The following RAD18 variants were observed in gnomAD, a reference collection of about 807,000 sequenced individuals.
RAD18 encodes RAD18 E3 ubiquitin protein ligase.
RAD18 carries 47 observed loss-of-function variants against 60.4 expected under a neutral mutation model. The ratio of observed to expected loss-of-function variants is 0.78; its 90% CI spans 0.62 to 0.99. RAD18 has a LOEUF of 0.99. RAD18 is among the 50% of genes least tolerant of loss of function. RAD18 has a pLI of 0.00. For missense variants in RAD18, 640 were observed against 593.3 expected (o/e 1.08, Z -0.82); for synonymous variants, 225 against 195.5 (o/e 1.15, Z -1.26).
chr3:8,945,942 TAA>T (rs1391748385), intron 4 of RAD18, among the ~76,000 whole-genome samples: 2 of 152,224 alleles, frequency 1.3e-5, no homozygotes, highest in Non-Finnish European at 2.9e-5. Flanking sequence ...TAAAAAAATA[TAA>T]AAGTTTACAA....
At chr3:8,898,836 A>G (rs1312191098) in intron 11 of RAD18, 58 bp downstream of exon 11, 2 of 1,377,344 alleles carry the variant, frequency 1.5e-6, no homozygotes, top group East Asian at 2.4e-5. Context: ...CTGCCTATCT[A>G]TCTACATGTG....
At chr3:8,913,591 G>T (rs1157359231) in intron 8 of RAD18, 53 bp downstream of exon 8, 3 of 1,241,434 alleles carry the variant, frequency 2.4e-6, no homozygotes, top group Non-Finnish European at 3.3e-6. Flanking sequence ...TTTTTGTAGG[G>T]TATTAAACTT....
At chr3:8,953,378 C>T (rs893880447) in intron 2 of RAD18, among the ~76,000 whole-genome samples, 23 of 151,934 alleles carry the variant, frequency 1.5e-4, no homozygotes, top group African/African-American at 4.8e-4. Flanking sequence ...TATCTTTCCT[C>T]TTCTTTTCTT....
At chr3:8,948,271 G>T (rs1940869598) in intron 3 of RAD18, among the ~76,000 whole-genome samples, 1 of 152,156 alleles carries the variant, frequency 6.6e-6, no homozygotes. Context: ...TGGGTCATAA[G>T]AATTAAAGAG....
chr3:8,922,657 G>A (rs1044346405), intron 7 of RAD18, among the ~76,000 whole-genome samples: 5 of 152,170 alleles, frequency 3.3e-5, no homozygotes, highest in South Asian at 2.1e-4. Flanking sequence ...CTAACTGGGA[G>A]GCACCTCCCA....
intron 7 of RAD18, among the ~76,000 whole-genome samples, chr3:8,926,567 T>C (rs978879212): frequency 2.0e-5 from 3 of 152,198 alleles, no homozygotes; most frequent in African/African-American, 7.2e-5. Flanking sequence ...ACTTTAAAGT[T>C]CATATGGAAT....
chr3:8,914,926 C>T (rs553686157), intron 7 of RAD18, among the ~76,000 whole-genome samples: 39 of 152,206 alleles, frequency 2.6e-4, no homozygotes, highest in African/African-American at 8.4e-4. Flanking sequence ...ATCACGAGGT[C>T]AGGAGATCGA....
chr3:8,928,892 A>G (rs1264022489), intron 7 of RAD18, among the ~76,000 whole-genome samples: 1 of 152,184 alleles, frequency 6.6e-6, no homozygotes, highest in East Asian at 1.9e-4. Flanking sequence ...GAAATGATAC[A>G]GAACAGGTTC....
chr3:8,900,845 C>T (rs1939897862), intron 10 of RAD18, among the ~76,000 whole-genome samples: 1 of 152,154 alleles, frequency 6.6e-6, no homozygotes, highest in Non-Finnish European at 1.5e-5. Flanking sequence ...CTAAAAGCAG[C>T]AATCACCTCT....
At chr3:8,918,087 G>C (rs1196605857) in intron 7 of RAD18, among the ~76,000 whole-genome samples, 1 of 152,142 alleles carries the variant, frequency 6.6e-6, no homozygotes, top group African/African-American at 2.4e-5. Flanking sequence ...GGAGGCCGAG[G>C]CGAGTGGATC....
chr3:8,923,432 G>A (rs1413571262), intron 7 of RAD18, among the ~76,000 whole-genome samples: 1 of 152,242 alleles, frequency 6.6e-6, no homozygotes, highest in Non-Finnish European at 1.5e-5. Context: ...CCAAATCTAC[G>A]TCTCACTGGT....
At position 8,941,593 on chromosome 3, in the gene RAD18, G is replaced by A. The variant is rs1940748556; in HGVS notation, c.478C>T (p.Gln160Ter). The change falls in exon 5 of 13, where the codon CAA becomes TAA. Residue 160 changes from glutamine (Q) to a stop codon, truncating the protein, a stop_gained. Coordinates refer to ENST00000264926, the MANE Select transcript of RAD18 (RefSeq NM_020165.4). LOFTEE classifies it high-confidence loss of function. Reference protein sequence around the residue: ...IKENKSKFSPQKEASPAAKTK... With the variant: ...IKENKSKFSP ...TTTGCAGCAGGGCTCGCCTCTTTTT[G>A]AGGGCTGAATTTGCTTTTATTTTCT... The A allele has an allele frequency of 1.2e-5, 19 of 1,614,078 alleles. No individual in the cohort carries two copies. The highest frequency in any genetic ancestry group is 1.6e-5 in the Non-Finnish European group (19 of 1,179,992).
chr3:8,958,815 G>A (rs894528134), intron 2 of RAD18, 105 bp downstream of exon 2: 1 of 886,946 alleles, frequency 1.1e-6, no homozygotes, highest in East Asian at 2.5e-5. Flanking sequence ...AGATAGAAGA[G>A]CTAAAGGTGA....
chr3:8,938,306 T>A (rs1303795733), intron 6 of RAD18, among the ~76,000 whole-genome samples: 1 of 152,208 alleles, frequency 6.6e-6, no homozygotes, highest in African/African-American at 2.4e-5. Flanking sequence ...TTAGCTTTTG[T>A]AAGTTGTAAC....
At chr3:8,948,173 C>T (rs1003293152) in intron 3 of RAD18, among the ~76,000 whole-genome samples, 1 of 152,162 alleles carries the variant, frequency 6.6e-6, no homozygotes, top group African/African-American at 2.4e-5. Context: ...TGCACAAATA[C>T]TTAGACAGTT....
rs745558980 is a variant in RAD18 at position 8,941,748 on chromosome 3, G to A, written c.323C>T (p.Ser108Phe). 2 of 1,614,132 alleles carry A rather than the reference G, an allele frequency of 1.2e-6. No individual in the cohort carries two copies. Among genetic ancestry groups the A allele is most frequent in the Non-Finnish European group, 1.7e-6 (2 of 1,179,988 alleles). Reference protein sequence around the residue: ...ESPAKSPASSSSKNLAVKVYT... With the variant: ...ESPAKSPASSFSKNLAVKVYT... ...TACTTTGACAGCAAGATTCTTTGAA[G>A]AGGAAGAAGCAGGAGATTTGGCTGG... is the stretch of plus-strand genomic sequence containing the variant. The change falls in exon 5 of 13, where the codon TCT becomes TTT. Residue 108 changes from serine to phenylalanine, a missense_variant. By Grantham distance (155) the Ser-to-Phe change is radical. Transcript: ENST00000264926.
In RAD18 at chr3:8,881,227, A is replaced by C; in HGVS notation, c.*130T>G. ...CCCTCTGGAAAAGCAGAAAAGAATG[A>C]ATATCAGCTAACCGTAATATTTAGA... On this transcript the variant is annotated 3_prime_UTR_variant, in exon 13 of 13. Transcript: ENST00000264926. The C allele has an allele frequency of 2.7e-6, 2 of 751,818 alleles. No homozygotes were observed. Among genetic ancestry groups the C allele is most frequent in the Non-Finnish European group, 4.3e-6 (2 of 470,362 alleles). The allele number at this position is 751,818 out of a possible 1,614,324, so 46.6% of individuals were successfully genotyped here. A position where few individuals can be genotyped will look rare whatever the true frequency, so the allele number is the denominator to read the frequency against.
At chr3:8,899,189 G>C (rs1939857373) in intron 10 of RAD18, 142 bp from the exon 11 acceptor site, 1 of 560,590 alleles carries the variant, frequency 1.8e-6, no homozygotes, top group Admixed American at 3.6e-5. Context: ...GTGACAGCCA[G>C]AGAGCAAGAA....
chr3:8,953,760 T>C (rs1940962602), intron 2 of RAD18, among the ~76,000 whole-genome samples: 1 of 151,424 alleles, frequency 6.6e-6, no homozygotes, highest in African/African-American at 2.4e-5. Flanking sequence ...CTAGATAAAA[T>C]AATTGGCTTG....
Sources: gnomAD v4.1 joint callset for allele counts (sites outside exome capture counted in the v4.1 genomes callset) on GRCh38, gnomAD v4.1.1 for gene constraint, MANE v1.5 for transcripts, NCBI Gene and HGNC (gene_info 2026-07-23, HGNC 2026-07-21) for gene names.